The following MIS18A variants were observed in gnomAD, a reference collection of about 807,000 sequenced individuals.
MIS18A encodes protein Mis18-alpha.
In MIS18A, 14 loss-of-function variants were observed where a neutral mutation model predicts 25.0. That is an observed-to-expected ratio of 0.56 (90% CI 0.37 to 0.88). The LOEUF (loss-of-function observed/expected upper bound fraction) is 0.88. MIS18A is among the 40% of genes least tolerant of loss of function. The pLI is 0.00. For missense variants in MIS18A, 292 were observed against 290.8 expected (o/e 1.00, Z -0.03); for synonymous variants, 134 against 118.6 (o/e 1.13, Z -0.84).
the MIS18A span, among the ~76,000 whole-genome samples, chr21:32,204,544 GA>G: frequency 6.6e-6 from 1 of 151,558 alleles, no homozygotes; most frequent in East Asian, 1.9e-4. Context: ...TAACTCTGGG[GA>G]AAAAATCCAA....
chr21:32,270,449 T>G lies in MIS18A; in HGVS notation c.482A>C (p.Tyr161Ser). 1 of 1,613,848 alleles carries G rather than the reference T, an allele frequency of 6.2e-7. No homozygotes were observed. The highest frequency in any genetic ancestry group is 1.1e-5 in the South Asian group (1 of 91,034). ...ACTGAGGCAAAACAAGTCTCTCTTGTAATCAAGATTCTTGGGCGTGCATCT... is the reference window on the plus strand; with the variant it reads ...ACTGAGGCAAAACAAGTCTCTCTTGGAATCAAGATTCTTGGGCGTGCATCT... The part of the protein sequence containing the change: ...VYRCTPKNLD[Y>S]KRDLFCLSVE... The change falls in exon 3 of 5, where the codon TAC (tyrosine) becomes TCC (serine). Residue 161 changes from tyrosine (Y) to serine (S), a missense_variant. Coordinates refer to ENST00000290130, the MANE Select transcript of MIS18A (RefSeq NM_018944.3).
downstream of MIS18A, among the ~76,000 whole-genome samples, chr21:32,266,299 A>C (rs2123459719): frequency 6.6e-6 from 1 of 152,324 alleles, no homozygotes; most frequent in African/African-American, 2.4e-5. Context: ...TAAACGCACC[A>C]ATCAGCGCCC....
the MIS18A span, among the ~76,000 whole-genome samples, chr21:32,174,461 C>T: frequency 1.3e-5 from 2 of 152,134 alleles, no homozygotes. Flanking sequence ...ATGAACACTA[C>T]CCATGGCATA....
the MIS18A span, among the ~76,000 whole-genome samples, chr21:32,243,768 A>G: frequency 1.3e-5 from 2 of 152,310 alleles, no homozygotes; most frequent in African/African-American, 2.4e-5. Flanking sequence ...CTGTAATCCC[A>G]GCACTTTGGG....
the MIS18A span, chr21:32,260,335 G>C: frequency 1.3e-5 from 2 of 152,232 alleles, no homozygotes; most frequent in Non-Finnish European, 2.9e-5. Context: ...CCTGGAGGAA[G>C]TGGCACTCAA....
the MIS18A span, among the ~76,000 whole-genome samples, chr21:32,184,277 A>G: frequency 1.3e-5 from 2 of 152,226 alleles, no homozygotes; most frequent in African/African-American, 4.8e-5. Flanking sequence ...ACAGCAGGGC[A>G]TTTTCAAAGA....
the MIS18A span, among the ~76,000 whole-genome samples, chr21:32,203,270 T>A: frequency 2.0e-5 from 3 of 151,564 alleles, no homozygotes; most frequent in Non-Finnish European, 2.9e-5. Context: ...GAAGAAAAAA[T>A]TATTATCTAA....
At chr21:32,276,350 A>T (rs1178170803) in intron 1 of MIS18A, among the ~76,000 whole-genome samples, 1 of 150,666 alleles carries the variant, frequency 6.6e-6, no homozygotes, top group East Asian at 2.0e-4. Context: ...AGTCCCAGCT[A>T]CTCAGGAGGC....
At chr21:32,246,274 AAG>A in the MIS18A span, among the ~76,000 whole-genome samples, 2 of 152,154 alleles carry the variant, frequency 1.3e-5, 1 homozygote, top group Middle Eastern at 6.3e-3. Context: ...ATTTGCTGGA[AAG>A]AGAAGCTGGG....
chr21:32,217,821 GA>G, the MIS18A span, among the ~76,000 whole-genome samples: 8 of 148,330 alleles, frequency 5.4e-5, no homozygotes, highest in Admixed American at 6.7e-5. Context: ...AATTCTGAAG[GA>G]AAAAAAAACA....
At chr21:32,240,567 G>C in the MIS18A span, among the ~76,000 whole-genome samples, 1 of 152,156 alleles carries the variant, frequency 6.6e-6, no homozygotes, top group African/African-American at 2.4e-5. Context: ...CAAAATCAAG[G>C]GATACAGCCA....
the MIS18A span, among the ~76,000 whole-genome samples, chr21:32,212,976 T>C: frequency 1.3e-5 from 2 of 152,194 alleles, no homozygotes; most frequent in African/African-American, 2.4e-5. Flanking sequence ...ATTAGTAGCA[T>C]GAGAACAGGC....
the MIS18A span, among the ~76,000 whole-genome samples, chr21:32,258,863 TTTATTTATTTATTTACTTACTTAC>T: frequency 7.9e-6 from 1 of 126,344 alleles, no homozygotes; most frequent in African/African-American, 3.4e-5. Context: ...TATTTATTTA[TTTATTTATTTATTTACTTACTTAC>T]TTACTTACTT....
the MIS18A span, among the ~76,000 whole-genome samples, chr21:32,246,029 C>A: frequency 1.3e-5 from 2 of 152,028 alleles, no homozygotes; most frequent in African/African-American, 2.4e-5. Flanking sequence ...AGGCACAGGC[C>A]CAGAGCAGGA....
At chr21:32,157,359 G>A in the MIS18A span, among the ~76,000 whole-genome samples, 86 of 151,178 alleles carry the variant, frequency 5.7e-4, no homozygotes, top group Admixed American at 5.2e-3. Context: ...ATGAACCACC[G>A]GGCCTGGCTG....
At chr21:32,269,274 A>C (rs2031669724) in intron 4 of MIS18A, among the ~76,000 whole-genome samples, 157 bp from the exon 5 acceptor site, 1 of 152,240 alleles carries the variant, frequency 6.6e-6, no homozygotes, top group Non-Finnish European at 1.5e-5. Flanking sequence ...TTAGAGGCAT[A>C]AATTTTTTAA....
chr21:32,273,115 CTTTTTTTT>C (rs879786505), intron 2 of MIS18A, among the ~76,000 whole-genome samples: 2 of 134,430 alleles, frequency 1.5e-5, no homozygotes, highest in Admixed American at 7.5e-5. Flanking sequence ...AACTTTTTTT[CTTTTTTTT>C]TTTTTTTCAC....
chr21:32,231,256 A>T, the MIS18A span, among the ~76,000 whole-genome samples: 1 of 151,822 alleles, frequency 6.6e-6, no homozygotes, highest in Non-Finnish European at 1.5e-5. Flanking sequence ...AAAAAAAGAC[A>T]ACCCACAAAA....
the MIS18A span, among the ~76,000 whole-genome samples, chr21:32,178,446 T>C: frequency 1.3e-5 from 2 of 152,226 alleles, no homozygotes; most frequent in African/African-American, 4.8e-5. Context: ...TGGATTCATT[T>C]CTTTTCTTCC....
Sources: allele counts gnomAD v4.1 joint callset (sites outside exome capture counted in the v4.1 genomes callset), GRCh38; gene constraint gnomAD v4.1.1; transcripts MANE v1.5; gene names NCBI Gene and HGNC (gene_info 2026-07-23, HGNC 2026-07-21).